The following AKAP13 variants were observed in gnomAD, a reference collection of about 807,000 sequenced individuals.
AKAP13 encodes A-kinase anchor protein 13.
AKAP13 carries 80 observed loss-of-function variants against 264.5 expected under a neutral mutation model. The ratio of observed to expected loss-of-function variants is 0.30; its 90% confidence interval spans 0.25 to 0.36. AKAP13 has a LOEUF of 0.36. AKAP13 is among the 10% of genes least tolerant of loss of function. The pLI is 1.00. For synonymous variants in AKAP13, 1,380 were observed against 1,250.2 expected, an observed-to-expected ratio of 1.10 and a Z score of -2.19; for missense variants, 3,712 against 3,435.2, an observed-to-expected ratio of 1.08 and a Z score of -2.01.
chr15:85,487,375 TATG>T (rs1213580300), intron 2 of AKAP13, among the ~76,000 whole-genome samples: 1 of 152,196 alleles, frequency 6.6e-6, no homozygotes, highest in Non-Finnish European at 1.5e-5. Flanking sequence ...CACCAGTAAG[TATG>T]ATGTTGTTAG....
chr15:85,442,421 AAAATAT>A (rs2073699218), intron 1 of AKAP13, among the ~76,000 whole-genome samples: 2 of 114,778 alleles, frequency 1.7e-5, no homozygotes, highest in Admixed American at 1.1e-4. Flanking sequence ...AAAAAAAAAA[AAAATAT>A]ATATATATAT....
intron 17 of AKAP13, among the ~76,000 whole-genome samples, chr15:85,701,650 G>A (rs1442341865): frequency 1.4e-5 from 1 of 72,880 alleles, no homozygotes; most frequent in East Asian, 4.4e-4. Context: ...CACCATATTG[G>A]CCAGGCTGGT....
intron 2 of AKAP13, 125 bp from the exon 3 acceptor site, chr15:85,521,303 T>C (rs1191134907): frequency 8.7e-7 from 1 of 1,155,492 alleles, no homozygotes; most frequent in African/African-American, 1.5e-5. Flanking sequence ...TTGTTTCAGC[T>C]TACCAGAATG....
At chr15:85,636,526 T>C (rs569851870) in intron 8 of AKAP13, among the ~76,000 whole-genome samples, 1 of 152,336 alleles carries the variant, frequency 6.6e-6, no homozygotes, top group South Asian at 2.1e-4. Flanking sequence ...CGTAGGTTTT[T>C]TATAGATGCC....
chr15:85,721,954 G>A (rs369687940), intron 23 of AKAP13, 37 bp from the exon 24 acceptor site: 110 of 1,610,316 alleles, frequency 6.8e-5, no homozygotes, highest in African/African-American at 9.4e-5. Context: ...TGAGTTTGGC[G>A]CCCCATGGCA....
At chr15:85,624,409 CT>C (rs1172507153) in intron 8 of AKAP13, 2 of 152,178 alleles carry the variant, frequency 1.3e-5, no homozygotes, top group Non-Finnish European at 2.9e-5. Flanking sequence ...GAGGAATAGT[CT>C]GTCTCTAATT....
chr15:85,690,004 A>G (rs2151630226), intron 16 of AKAP13: 1 of 152,396 alleles, frequency 6.6e-6, no homozygotes, highest in Non-Finnish European at 1.5e-5. Context: ...CTGTGAGAGC[A>G]CGCTTCCTGG....
intron 3 of AKAP13, among the ~76,000 whole-genome samples, chr15:85,522,590 A>T (rs1002017514): frequency 6.6e-6 from 1 of 152,070 alleles, no homozygotes; most frequent in Non-Finnish European, 1.5e-5. Context: ...TTTGTACCAG[A>T]TCCTTGTACA....
intron 1 of AKAP13, among the ~76,000 whole-genome samples, chr15:85,399,634 G>C (rs960185373): frequency 2.0e-5 from 3 of 151,340 alleles, no homozygotes; most frequent in African/African-American, 7.3e-5. Flanking sequence ...AAAGAACTCT[G>C]TATTTCTAAA....
At chr15:85,472,204 A>G (rs1000901880) in intron 1 of AKAP13, among the ~76,000 whole-genome samples, 1 of 140,336 alleles carries the variant, frequency 7.1e-6, no homozygotes. Flanking sequence ...AGGTTAAAAA[A>G]AAAACAAAAA....
chr15:85,403,361 A>G (rs1422632715), intron 1 of AKAP13, among the ~76,000 whole-genome samples: 3 of 152,196 alleles, frequency 2.0e-5, no homozygotes, highest in Non-Finnish European at 4.4e-5. Flanking sequence ...TTTCTTCACA[A>G]CATAATTTAT....
intron 1 of AKAP13, among the ~76,000 whole-genome samples, chr15:85,421,440 G>C (rs1436159063): frequency 3.9e-5 from 6 of 152,230 alleles, no homozygotes; most frequent in Non-Finnish European, 8.8e-5. Context: ...GATATTAAAG[G>C]GGCTTGAATT....
intron 17 of AKAP13, among the ~76,000 whole-genome samples, chr15:85,707,713 TC>T (rs1330849128): frequency 6.6e-6 from 1 of 152,090 alleles, no homozygotes; most frequent in Non-Finnish European, 1.5e-5. Flanking sequence ...GCCAGGAAAC[TC>T]ACCCTTCCCA....
chr15:85,611,086 G>A (rs1232509717), intron 8 of AKAP13, among the ~76,000 whole-genome samples: 2 of 151,330 alleles, frequency 1.3e-5, no homozygotes, highest in African/African-American at 4.9e-5. Flanking sequence ...CCCTCACCAA[G>A]ATCTATGAAA....
At chr15:85,507,408 G>A (rs2076267242) in intron 2 of AKAP13, among the ~76,000 whole-genome samples, 1 of 147,006 alleles carries the variant, frequency 6.8e-6, no homozygotes, top group Non-Finnish European at 1.5e-5. Flanking sequence ...CATAAGAAAC[G>A]AGTAGTTGCA....
In AKAP13 at chr15:85,668,270, G is replaced by A. The variant is rs993547162; in HGVS notation, c.4993-1452G>A. On this transcript the variant is annotated intron_variant, in intron 13 of 36. Transcript: ENST00000394518. ...AGTGAGTCAAGTTCATGCTAGTAAC[G>A]GATTTTTCACTGCTTCCCTTTCAAT... Among the ~76,000 whole-genome samples the A allele has an allele frequency of 5.3e-5, 8 of 152,136 alleles. No homozygotes were observed. In the South Asian group the frequency reaches 1.0e-3, roughly 20 times the overall value.
chr15:85,673,848 G>A (rs1450815331), intron 14 of AKAP13, among the ~76,000 whole-genome samples: 1 of 133,718 alleles, frequency 7.5e-6, no homozygotes, highest in Non-Finnish European at 1.6e-5. Context: ...ACCACACCCG[G>A]CTAATTTTTT....
chr15:85,585,225 G>GT (rs1282638276), intron 7 of AKAP13, among the ~76,000 whole-genome samples: 1 of 152,150 alleles, frequency 6.6e-6, no homozygotes, highest in Non-Finnish European at 1.5e-5. Flanking sequence ...AGAGTGTGTT[G>GT]TATGTTAGTG....
chr15:85,538,779 G>A (rs543653860), intron 4 of AKAP13, among the ~76,000 whole-genome samples: 31 of 145,140 alleles, frequency 2.1e-4, no homozygotes, highest in Admixed American at 3.5e-4. Context: ...TTGAGCCACC[G>A]CGCCCGGCCT....
Sources: gnomAD v4.1 joint callset for allele counts (sites outside exome capture counted in the v4.1 genomes callset) on GRCh38, gnomAD v4.1.1 for gene constraint, MANE v1.5 for transcripts, NCBI Gene and HGNC (gene_info 2026-07-23, HGNC 2026-07-21) for gene names.